ACACB: variants seen among roughly 807,000 people sequenced by gnomAD.
ACACB encodes acetyl-CoA carboxylase 2.
ACACB carries 209 observed loss-of-function variants against 278.8 expected under a neutral mutation model. The ratio of observed to expected loss-of-function variants is 0.75; its 90% CI spans 0.67 to 0.84. The LOEUF (loss-of-function observed/expected upper bound fraction) is 0.84, where lower values mean the gene tolerates loss of function less well. ACACB is among the 40% of genes least tolerant of loss of function. The pLI, the probability that ACACB is intolerant of heterozygous loss-of-function variation, is 0.00. For synonymous variants in ACACB, 1,174 were observed against 1,285.6 expected, an observed-to-expected ratio of 0.91 and a Z score of 1.86; for missense variants, 2,850 against 3,269.0, an observed-to-expected ratio of 0.87 and a Z score of 3.13.
At chr12:109,163,597 A>T (rs1330194956) in intron 2 of ACACB, among the ~76,000 whole-genome samples, 3 of 152,168 alleles carry the variant, frequency 2.0e-5, no homozygotes, top group Non-Finnish European at 4.4e-5. Flanking sequence ...ACTTCGGGAA[A>T]AAATAGAGAA....
At chr12:109,180,787 C>A (rs1371486275) in intron 11 of ACACB, among the ~76,000 whole-genome samples, 1 of 152,014 alleles carries the variant, frequency 6.6e-6, no homozygotes, top group African/African-American at 2.4e-5. Flanking sequence ...CCCCCTCCAG[C>A]GTTTATCCTT....
intron 49 of ACACB, 92 bp downstream of exon 49, chr12:109,262,561 GA>G (rs924873801): frequency 1.4e-6 from 1 of 695,742 alleles, no homozygotes. Context: ...AAAATAAAAT[GA>G]AAAAATACCA....
intron 16 of ACACB, among the ~76,000 whole-genome samples, chr12:109,194,947 A>T (rs4766547): frequency 0.53 from 79,736 of 150,882 alleles, 21,337 homozygotes; most frequent in Middle Eastern, 0.68. Context: ...CGTGTAGATT[A>T]CTGGCATCTT....
chr12:109,128,559 G>A (rs1260248157), intron 1 of ACACB, among the ~76,000 whole-genome samples: 2 of 151,802 alleles, frequency 1.3e-5, no homozygotes, highest in Non-Finnish European at 2.9e-5. Context: ...GGCTGGTCTC[G>A]AACTCCCGAA....
intron 1 of ACACB, among the ~76,000 whole-genome samples, chr12:109,127,116 CCACCAA>C (rs2042699596): frequency 1.3e-5 from 2 of 152,142 alleles, no homozygotes; most frequent in Non-Finnish European, 2.9e-5. Flanking sequence ...GGCTCTGATT[CCACCAA>C]TCCAATAGGG....
At position 109,240,004 on chromosome 12, in the gene ACACB, G is replaced by C. The variant is rs771719997; in HGVS notation, c.4818+19G>C. ...CTTCAAGGTCTCGCCTTTGCAGGGG[G>C]GCTCTCACCGGGCTCTGGGTTCACC... On this transcript the variant is annotated intron_variant, in intron 35 of 52. Coordinates refer to ENST00000338432, the MANE Select transcript of ACACB (RefSeq NM_001093.4). 45 of 1,608,972 alleles carry C rather than the reference G, an allele frequency of 2.8e-5. No homozygotes were observed. The highest frequency in any genetic ancestry group is 3.7e-5 in the Non-Finnish European group (44 of 1,177,296).
At chr12:109,246,646 A>G (rs892405483) in intron 39 of ACACB, among the ~76,000 whole-genome samples, 198 bp downstream of exon 39, 1 of 152,180 alleles carries the variant, frequency 6.6e-6, no homozygotes, top group Non-Finnish European at 1.5e-5. Context: ...GTGATGAGAA[A>G]AAAAAGATCT....
chr12:109,246,278 T>A lies in ACACB; in HGVS notation c.5401T>A (p.Ser1801Thr). ...CAATGACATCACCTTTCGCATTGGATCCTTTGGCCCTGGAGAGGACCTTCT... is the reference window on the plus strand; with the variant it reads ...CAATGACATCACCTTTCGCATTGGAACCTTTGGCCCTGGAGAGGACCTTCT... ...IGNDITFRIG[S>T]FGPGEDLLYL... Residue 1801 changes from serine to threonine, a missense_variant, in exon 39 of 53, where the codon TCC (serine) becomes ACC (threonine). Ser to Thr is a moderately conservative substitution (Grantham distance 58). Around this residue, in one of 3 missense-constraint regions of ACACB, gnomAD observed 2,265 missense variants for 2,561.3 expected, o/e 0.88. Transcript: ENST00000338432. 1 of 1,613,000 alleles carries A rather than the reference T, an allele frequency of 6.2e-7. No homozygotes were observed.
intron 2 of ACACB, among the ~76,000 whole-genome samples, chr12:109,159,551 G>A (rs2043654516): frequency 6.6e-6 from 1 of 152,182 alleles, no homozygotes; most frequent in South Asian, 2.1e-4. Flanking sequence ...GGATTACACA[G>A]GTTATAAGCG....
chr12:109,255,265 T>C (rs190998833), intron 44 of ACACB, among the ~76,000 whole-genome samples: 22 of 152,322 alleles, frequency 1.4e-4, no homozygotes, highest in Non-Finnish European at 4.4e-5. Flanking sequence ...GCTGCTCCCG[T>C]CACTATATCC....
intron 16 of ACACB, among the ~76,000 whole-genome samples, chr12:109,195,760 G>A (rs1280494344): frequency 1.3e-5 from 2 of 151,800 alleles, no homozygotes; most frequent in Admixed American, 1.3e-4. Context: ...ACTCATGTCT[G>A]TGGCACTGTC....
At chr12:109,216,144 T>G (rs1396216437) in intron 22 of ACACB, among the ~76,000 whole-genome samples, 46 of 151,328 alleles carry the variant, frequency 3.0e-4, no homozygotes, top group Admixed American at 3.0e-3. Flanking sequence ...TTGGCTATAT[T>G]GCCCAGGCTT....
intron 18 of ACACB, among the ~76,000 whole-genome samples, 187 bp downstream of exon 18, chr12:109,199,739 C>T (rs1382526509): frequency 6.6e-6 from 1 of 152,128 alleles, no homozygotes; most frequent in African/African-American, 2.4e-5. Context: ...TCAGGCTGGG[C>T]GTGGTGGTTC....
At chr12:109,163,592 G>A (rs34163065) in intron 2 of ACACB, among the ~76,000 whole-genome samples, 22,959 of 152,078 alleles carry the variant, frequency 0.15, 2,122 homozygotes, top group East Asian at 0.28. Flanking sequence ...ATAGGACTTC[G>A]GGAAAAAATA....
intron 36 of ACACB, 52 bp from the exon 37 acceptor site, chr12:109,242,385 G>T: frequency 6.4e-7 from 1 of 1,574,762 alleles, no homozygotes; most frequent in Non-Finnish European, 8.7e-7. Context: ...AATAAATTGG[G>T]GGAGATGTGT....
At chr12:109,123,121 C>G (rs1195210612) in intron 1 of ACACB, among the ~76,000 whole-genome samples, 1 of 150,050 alleles carries the variant, frequency 6.7e-6, no homozygotes, top group African/African-American at 2.5e-5. Flanking sequence ...GCGGAGCTTG[C>G]AGTGAGCCGA....
intron 11 of ACACB, among the ~76,000 whole-genome samples, chr12:109,183,031 C>T (rs945228513): frequency 6.6e-6 from 1 of 152,144 alleles, no homozygotes; most frequent in Non-Finnish European, 1.5e-5. Flanking sequence ...CACCATTTAT[C>T]GAAGAGACTT....
rs1399559644 is a variant in ACACB, at chr12:109,262,283, C to T, written c.6675-74C>T. On this transcript the variant is annotated intron_variant, in intron 48 of 52. Transcript: ENST00000338432. The stretch of plus-strand genomic sequence containing the variant: ...TCTTCTGGCTCTCTTCCCTCCAGCT[C>T]CCCCCACATCCATTAGCCCTTGCTT... The T allele has an allele frequency of 1.4e-5, 17 of 1,182,586 alleles. No individual in the cohort carries two copies. The East Asian group carries it at 4.0e-4, about 28-fold the overall frequency. 73.3% of individuals were successfully genotyped at this position (1,182,586 alleles called of 1,614,324 possible).
chr12:109,126,971 G>A (rs1227725558), intron 1 of ACACB, among the ~76,000 whole-genome samples: 1 of 152,104 alleles, frequency 6.6e-6, no homozygotes, highest in Non-Finnish European at 1.5e-5. Flanking sequence ...AATGGTTTGG[G>A]ATTTGGCACA....
Sources: gnomAD v4.1 joint callset for allele counts (sites outside exome capture counted in the v4.1 genomes callset) on GRCh38, gnomAD v4.1.1 for gene constraint, gnomAD v4.1.1 regional missense constraint, MANE v1.5 for transcripts, NCBI Gene and HGNC (gene_info 2026-07-23, HGNC 2026-07-21) for gene names.